Variants in TRPM1 observed in about 807,000 individuals in gnomAD.
The protein encoded by TRPM1 is transient receptor potential cation channel subfamily M member 1, also known as TRPM1-203 APA Isoform, Intron 10.
Under a neutral mutation model 149.4 loss-of-function variants are expected in TRPM1, and 113 were observed. The observed-to-expected ratio is 0.76, with a 90% confidence interval of 0.65 to 0.88. TRPM1 has a LOEUF of 0.88. TRPM1 is among the 40% of genes least tolerant of loss of function. TRPM1 has a pLI of 0.00. For missense variants in TRPM1, 1,976 were observed against 2,038.7 expected, an observed-to-expected ratio of 0.97 and a Z score of 0.59; for synonymous variants, 741 against 759.5, an observed-to-expected ratio of 0.98 and a Z score of 0.40.
At chr15:31,091,677 A>G (rs1227895348) in intron 1 of TRPM1, among the ~76,000 whole-genome samples, 1 of 152,102 alleles carries the variant, frequency 6.6e-6, no homozygotes, top group Non-Finnish European at 1.5e-5. Flanking sequence ...AGAGGTTCAC[A>G]TGTGCGCTGT....
In TRPM1 at chr15:31,067,936, G is replaced by A; in HGVS notation, c.436C>T (p.Leu146=). Residue 146 remains leucine, a synonymous_variant, in exon 5 of 28, where the codon CTG becomes TTG. Transcript: ENST00000256552. ...CCGGTGGTCATAGCAGCCTTGATCA[G>A]GCCTTTCCCAAAGACTTGTTTCAGC... ...PKLKQVFGKG[L]IKAAMTTGAW... 1.2e-6 allele frequency: 2 copies of A among 1,614,020 alleles called. No homozygotes were observed. Among genetic ancestry groups the A allele is most frequent in the Non-Finnish European group, 8.5e-7 (1 of 1,180,006 alleles).
intron 13 of TRPM1, 151 bp from the exon 14 acceptor site, chr15:31,048,090 C>T (rs2033832797): frequency 1.4e-6 from 1 of 730,842 alleles, no homozygotes; most frequent in African/African-American, 1.7e-5. Context: ...TGGTGAAACC[C>T]CATCTCTACT....
At chr15:31,095,265 G>T (rs2035346750) in intron 1 of TRPM1, among the ~76,000 whole-genome samples, 2 of 152,248 alleles carry the variant, frequency 1.3e-5, no homozygotes, top group African/African-American at 4.8e-5. Flanking sequence ...GTTTTACTTT[G>T]TAGTGTTGGA....
chr15:31,047,288 G>A (rs1174650688), intron 14 of TRPM1, 37 bp from the exon 15 acceptor site: 1 of 1,613,830 alleles, frequency 6.2e-7, no homozygotes, highest in Non-Finnish European at 8.5e-7. Context: ...CTGTGAGAAT[G>A]CGTTCGCAGT....
chr15:31,118,771 C>A (rs2035836686), intron 1 of TRPM1, among the ~76,000 whole-genome samples: 1 of 152,118 alleles, frequency 6.6e-6, no homozygotes, highest in Non-Finnish European at 1.5e-5. Flanking sequence ...CTAGCTGGAT[C>A]TCCGGTCTTT....
In TRPM1 at chr15:31,138,757, G is replaced by T. The variant is rs116171398; in HGVS notation, c.54+22149C>A. ...AGAAAAGACTATGTATCAACTAAAT[G>T]ATTTCCAAAACACAACTTCTTGGCA... On this transcript the variant is annotated intron_variant, in intron 1 of 26. Transcript: ENST00000542188. Among the ~76,000 whole-genome samples, 502 of 152,142 alleles carry T rather than the reference G, an allele frequency of 3.3e-3. 3 individuals carry two copies. The highest frequency in any genetic ancestry group is 0.011 in the African/African-American group (476 of 41,504).
At chr15:31,082,072 T>G (rs2034873497) in intron 1 of TRPM1, among the ~76,000 whole-genome samples, 1 of 152,130 alleles carries the variant, frequency 6.6e-6, no homozygotes, top group Non-Finnish European at 1.5e-5. Context: ...CATGCAAGTT[T>G]CAGTGCAACG....
At chr15:31,089,395 C>T (rs578022560) in intron 1 of TRPM1, among the ~76,000 whole-genome samples, 6 of 152,322 alleles carry the variant, frequency 3.9e-5, no homozygotes, top group Admixed American at 2.6e-4. Flanking sequence ...TACGTTGTTT[C>T]TTCCCTACAG....
At chr15:31,053,229 C>G (rs1244270674) in intron 11 of TRPM1, among the ~76,000 whole-genome samples, 1 of 152,030 alleles carries the variant, frequency 6.6e-6, no homozygotes, top group African/African-American at 2.4e-5. Context: ...TATCTCACAC[C>G]CATTAAGATG....
chr15:31,008,554 G>A (rs1013999557), intron 27 of TRPM1, among the ~76,000 whole-genome samples: 1 of 152,060 alleles, frequency 6.6e-6, no homozygotes, highest in African/African-American at 2.4e-5. Context: ...CCTGATCGTG[G>A]CTAGACTCAA....
chr15:31,160,569 C>T (rs1409159482), intron 1 of TRPM1, among the ~76,000 whole-genome samples: 8 of 152,160 alleles, frequency 5.3e-5, no homozygotes, highest in South Asian at 2.1e-4. Context: ...GCACCACCCT[C>T]GTGGGGAAAG....
At chr15:31,105,513 G>A (rs2141019631), upstream of TRPM1, among the ~76,000 whole-genome samples, 1 of 152,054 alleles carries the variant, frequency 6.6e-6, no homozygotes. Context: ...AATGCATCAT[G>A]ATAATTTTCA....
At chr15:31,150,544 C>A (rs1163180282) in intron 1 of TRPM1, among the ~76,000 whole-genome samples, 1 of 144,036 alleles carries the variant, frequency 6.9e-6, no homozygotes, top group Non-Finnish European at 1.5e-5. Flanking sequence ...TCAAGTGATT[C>A]TTCGGCTTCA....
In TRPM1 at chr15:31,002,762, G is replaced by A. The variant is rs114875010; in HGVS notation, c.3938C>T (p.Thr1313Met). 1,407 of 1,614,186 alleles carry A rather than the reference G, an allele frequency of 8.7e-4. 14 individuals are homozygous for A. In the African/African-American group the frequency reaches 0.017, roughly 19 times the overall value. The part of the protein sequence containing the change: ...ELLFEDTSLS[T>M]SPGTGVRKKT... Reference sequence around the variant, plus strand: ...TTTCCTGACTCCTGTCCCTGGTGACGTGGAGAGAGATGTATCCTCAAATAA... The same window carrying A: ...TTTCCTGACTCCTGTCCCTGGTGACATGGAGAGAGATGTATCCTCAAATAA... Residue 1313 changes from threonine to methionine, a missense_variant, in exon 28 of 28, where the codon ACG becomes ATG. By Grantham distance (81) the Thr-to-Met change is moderately conservative (BLOSUM62 -1). Transcript: ENST00000256552.
intron 11 of TRPM1, 63 bp from the exon 12 acceptor site, chr15:31,050,645 G>A: frequency 6.3e-7 from 1 of 1,583,848 alleles, no homozygotes; most frequent in Non-Finnish European, 8.7e-7. Flanking sequence ...CCCCAGACCA[G>A]CTCATTGACC....
rs1035705 is a variant in TRPM1, at chr15:31,050,541, C to T, written c.1305G>A (p.Thr435=). The change falls in exon 12 of 28, where the codon ACG becomes ACA. Residue 435 remains threonine (T), a synonymous_variant. Coordinates refer to ENST00000256552, the MANE Select transcript of TRPM1 (RefSeq NM_001252024.2). ...SLAPPTDSKA[T]EKEKKPPMAT... ...CCATGGGTGGCTTCTTCTCCTTCTC[C>T]GTGGCTTTGCTGTCCGTCGGGGGTG... 887,915 of 1,613,692 alleles carry T rather than the reference C, an allele frequency of 0.55. 252,022 individuals carry two copies. The highest frequency in any genetic ancestry group is 0.91 in the East Asian group (40,945 of 44,852).
intron 1 of TRPM1, among the ~76,000 whole-genome samples, chr15:31,129,217 G>A (rs750006348): frequency 3.3e-5 from 5 of 152,328 alleles, no homozygotes; most frequent in South Asian, 2.1e-4. Flanking sequence ...CTGGAAGCTC[G>A]GTCTTGAAGG....
intron 1 of TRPM1, among the ~76,000 whole-genome samples, chr15:31,155,427 C>T (rs750439327): frequency 6.6e-6 from 1 of 152,224 alleles, no homozygotes; most frequent in Non-Finnish European, 1.5e-5. Context: ...CTTCTTAGCT[C>T]CACTCTATCA....
chr15:31,135,754 C>T (rs910869572), intron 1 of TRPM1, among the ~76,000 whole-genome samples: 3 of 152,034 alleles, frequency 2.0e-5, no homozygotes, highest in Non-Finnish European at 1.5e-5. Context: ...AGCCTGGCAC[C>T]TCTCTCCTTT....
Sources: allele counts gnomAD v4.1 joint callset (sites outside exome capture counted in the v4.1 genomes callset), GRCh38; gene constraint gnomAD v4.1.1; transcripts MANE v1.5; gene names NCBI Gene and HGNC (gene_info 2026-07-23, HGNC 2026-07-21).